RPAP1: variants seen among roughly 807,000 people sequenced by gnomAD.
RPAP1 encodes RNA polymerase II-associated protein 1.
In RPAP1, 109 loss-of-function variants were observed where a neutral mutation model predicts 142.4. That is an observed-to-expected ratio of 0.77 (90% confidence interval 0.66 to 0.90). The LOEUF (loss-of-function observed/expected upper bound fraction) is 0.90. Among genes scored for constraint, RPAP1 ranks in the 40% least tolerant of loss-of-function variants. The pLI, the probability that RPAP1 is intolerant of heterozygous loss-of-function variation, is 0.00. For synonymous variants in RPAP1, 704 were observed against 738.9 expected (o/e 0.95, Z 0.77); for missense variants, 1,546 against 1,751.7 (o/e 0.88, Z 2.10).
rs541322305 is a variant in RPAP1 at position 41,539,281 on chromosome 15, T to G, written c.-76-2080A>C. On this transcript the variant is annotated intron_variant, in intron 1 of 24. Coordinates refer to ENST00000304330, the MANE Select transcript of RPAP1 (RefSeq NM_015540.4). ...ACCACCACACTCAGCTAATTTTTGT[T>G]TTTTTTTTTGTTTTTTGTTTTTTGT... Among the ~76,000 whole-genome samples, 251 of 150,040 alleles carry G rather than the reference T, an allele frequency of 1.7e-3. 1 individual carries two copies. Among genetic ancestry groups the G allele is most frequent in the South Asian group, 6.1e-3 (29 of 4,734 alleles).
chr15:41,530,990 TCCA>T, intron 7 of RPAP1, 30 bp downstream of exon 7: 1 of 1,584,560 alleles, frequency 6.3e-7, no homozygotes, highest in South Asian at 1.1e-5. Context: ...CCTACTTTTA[TCCA>T]CCAAAATATG....
chr15:41,525,273 C>T (rs2051779813), intron 14 of RPAP1, 125 bp from the exon 15 acceptor site: 1 of 497,886 alleles, frequency 2.0e-6, no homozygotes, highest in Admixed American at 4.0e-5. Flanking sequence ...CAAAGTCATA[C>T]CTCATCCACC....
At chr15:41,538,773 G>A (rs370408555) in intron 1 of RPAP1, among the ~76,000 whole-genome samples, 2 of 152,224 alleles carry the variant, frequency 1.3e-5, no homozygotes, top group African/African-American at 4.8e-5. Flanking sequence ...AATTAACATA[G>A]AGACCTTACA....
intron 8 of RPAP1, 71 bp downstream of exon 8, chr15:41,529,793 G>T: frequency 8.7e-7 from 1 of 1,155,706 alleles, no homozygotes; most frequent in Non-Finnish European, 1.2e-6. Context: ...CCTGAGTTCT[G>T]AGGGCAAGAG....
intron 22 of RPAP1, 172 bp from the exon 23 acceptor site, chr15:41,518,354 T>C (rs1470773089): frequency 1.9e-6 from 1 of 533,308 alleles, no homozygotes; most frequent in Non-Finnish European, 3.1e-6. Flanking sequence ...GAGCAGATGT[T>C]GGGGAAAACT....
intron 5 of RPAP1, 70 bp downstream of exon 5, chr15:41,535,442 T>C: frequency 6.6e-7 from 1 of 1,518,570 alleles, no homozygotes; most frequent in Non-Finnish European, 8.8e-7. Flanking sequence ...GGAAGACATA[T>C]CTTCAAAAAT....
chr15:41,524,594 G>A (rs910885006), intron 15 of RPAP1, among the ~76,000 whole-genome samples: 5 of 151,110 alleles, frequency 3.3e-5, no homozygotes, highest in Non-Finnish European at 5.9e-5. Context: ...TCCTGCCTCA[G>A]CCTGCCGAGT....
chr15:41,519,253 G>T (rs2051700438), intron 22 of RPAP1, among the ~76,000 whole-genome samples: 1 of 151,744 alleles, frequency 6.6e-6, no homozygotes, highest in Non-Finnish European at 1.5e-5. Flanking sequence ...TGTTGCCCAG[G>T]CTGGAGTGCA....
intron 1 of RPAP1, among the ~76,000 whole-genome samples, chr15:41,543,627 GC>G (rs757037725): frequency 6.6e-4 from 101 of 152,164 alleles, no homozygotes; most frequent in Middle Eastern, 3.2e-3. Flanking sequence ...CTAGCCCAGT[GC>G]CTGTTACTTA....
intron 1 of RPAP1, among the ~76,000 whole-genome samples, chr15:41,537,879 G>A (rs1381545576): frequency 1.7e-4 from 11 of 65,874 alleles, no homozygotes; most frequent in Non-Finnish European, 3.4e-4. Context: ...GTAAAACTCC[G>A]TCTCAAAAAA....
chr15:41,532,505 G>T (rs1485956646), intron 6 of RPAP1, among the ~76,000 whole-genome samples: 1 of 152,136 alleles, frequency 6.6e-6, no homozygotes, highest in Non-Finnish European at 1.5e-5. Context: ...TATACAGTGG[G>T]TAACAAGATT....
intron 14 of RPAP1, among the ~76,000 whole-genome samples, 175 bp downstream of exon 14, chr15:41,526,709 CCAGGCTCCAGTAAA>C (rs748851886): frequency 1.7e-4 from 26 of 152,322 alleles, no homozygotes; most frequent in Non-Finnish European, 2.5e-4. Flanking sequence ...ATATGATGCA[CCAGGCTCCAGTAAA>C]CAGGCTCCAG....
At position 41,523,904 on chromosome 15, in the gene RPAP1, T is replaced by G. The variant is rs1231375960; in HGVS notation, c.2303A>C (p.Gln768Pro). The G allele has an allele frequency of 3.7e-6, 6 of 1,608,260 alleles. No individual in the cohort carries two copies. In the African/African-American group the frequency reaches 8.0e-5, roughly 22 times the overall value. ...CCTTAGACACGGCTCAACAAGAGGC[T>G]GGAGCCCAGACACCTGTGTCCAAGT... ...LVTWTQVSGL[Q>P]PLVEPCLRQT... The change falls in exon 17 of 25, where the codon CAG becomes CCG. Residue 768 changes from glutamine (Q) to proline (P), a missense_variant. Physicochemically the swap from Gln to Pro is moderately conservative, Grantham distance 76 (BLOSUM62 -1). Around this residue, in one of 3 missense-constraint regions of RPAP1, gnomAD observed 1,333 missense variants for 1,486.6 expected, o/e 0.90. Transcript: ENST00000304330.
chr15:41,531,308 G>A, intron 6 of RPAP1, 106 bp from the exon 7 acceptor site: 1 of 1,147,846 alleles, frequency 8.7e-7, no homozygotes, highest in Non-Finnish European at 1.2e-6. Flanking sequence ...CCAAGGACAG[G>A]ACAAGCTGCT....
At chr15:41,527,384 C>G (rs772261087) in intron 12 of RPAP1, 39 bp downstream of exon 12, 1 of 1,613,240 alleles carries the variant, frequency 6.2e-7, no homozygotes, top group African/African-American at 1.3e-5. Flanking sequence ...ATGTGCTTGT[C>G]CCCTGGGCCA....
chr15:41,530,723 A>G (rs1454750109), intron 7 of RPAP1, among the ~76,000 whole-genome samples: 1 of 152,166 alleles, frequency 6.6e-6, no homozygotes, highest in Non-Finnish European at 1.5e-5. Context: ...TGGGGCAGCT[A>G]CAGCAAGGAC....
Position 41,527,853 on chromosome 15 carries a change from G to A in RPAP1, c.1428+7C>T, listed in dbSNP as rs1447977212. On this transcript the variant is annotated splice_region_variant and intron_variant, in intron 11 of 24. Coordinates refer to ENST00000304330, the MANE Select transcript of RPAP1 (RefSeq NM_015540.4). ...CAGCCCAAGCCCCATTCCTATCCCT[G>A]TGGTACCTCATCTCCAGGAGCCACC... 2 of 1,613,878 alleles carry A rather than the reference G, an allele frequency of 1.2e-6. No homozygotes were observed. The highest frequency in any genetic ancestry group is 2.7e-5 in the African/African-American group (2 of 74,906).
intron 1 of RPAP1, among the ~76,000 whole-genome samples, chr15:41,537,654 G>C (rs1277564573): frequency 1.3e-5 from 2 of 151,882 alleles, no homozygotes; most frequent in African/African-American, 4.8e-5. Context: ...GGCCGAGGAG[G>C]GTGGGTCACC....
At chr15:41,543,537 C>T (rs2051991640) in intron 1 of RPAP1, among the ~76,000 whole-genome samples, 1 of 152,046 alleles carries the variant, frequency 6.6e-6, no homozygotes, top group South Asian at 2.1e-4. Context: ...AGTCCCATTT[C>T]CACAACTGTA....
Sources: gnomAD v4.1 joint callset for allele counts (sites outside exome capture counted in the v4.1 genomes callset) on GRCh38, gnomAD v4.1.1 for gene constraint, gnomAD v4.1.1 regional missense constraint, MANE v1.5 for transcripts, NCBI Gene and HGNC (gene_info 2026-07-23, HGNC 2026-07-21) for gene names.